Variants in GABRA2 observed in about 807,000 individuals in gnomAD.
GABRA2 encodes gamma-aminobutyric acid receptor subunit alpha-2.
In GABRA2, 16 loss-of-function variants were observed where a neutral mutation model predicts 48.7. The ratio of observed to expected loss-of-function variants is 0.33; its 90% CI spans 0.22 to 0.50. The LOEUF is 0.50. GABRA2 is among the 20% of genes least tolerant of loss of function. The probability of loss-of-function intolerance (pLI) is 0.98; values close to 1 mark genes in which losing one functional copy is unlikely to be tolerated. For synonymous variants in GABRA2, 185 were observed against 184.5 expected, an observed-to-expected ratio of 1.00 and a Z score of -0.02; for missense variants, 275 against 535.6, an observed-to-expected ratio of 0.51 and a Z score of 4.80.
chr4:46,347,306 G>T (rs895547016), intron 3 of GABRA2, among the ~76,000 whole-genome samples: 1 of 151,698 alleles, frequency 6.6e-6, no homozygotes, highest in East Asian at 1.9e-4. Flanking sequence ...GCAAAAGAAA[G>T]AAAACTGGAG....
At position 46,330,115 on chromosome 4, in the gene GABRA2, T is replaced by A. The variant is rs190178229; in HGVS notation, c.255+2500A>T. Among the ~76,000 whole-genome samples the A allele has an allele frequency of 8.7e-4, 133 of 152,228 alleles. 1 individual carries two copies. Among genetic ancestry groups the A allele is most frequent in the Middle Eastern group, 3.4e-3 (1 of 294 alleles). ...AAATCAAAGTAAGTGGTTTTTTATT[T>A]AAATGTTATCAACTGAAATTCCACT... On this transcript the variant is annotated intron_variant, in intron 4 of 9. Transcript: ENST00000381620.
intron 3 of GABRA2, chr4:46,365,219 A>G (rs1335517968): frequency 6.6e-6 from 1 of 152,184 alleles, no homozygotes; most frequent in African/African-American, 2.4e-5. Context: ...CTGTACTTCC[A>G]TAGATGTAAT....
intron 4 of GABRA2, among the ~76,000 whole-genome samples, chr4:46,330,273 A>G (rs1188515867): frequency 2.0e-5 from 3 of 152,056 alleles, no homozygotes; most frequent in Non-Finnish European, 4.4e-5. Flanking sequence ...ATTTACAGAT[A>G]AAGCACAGCT....
chr4:46,318,586 A>C (rs1463492521), intron 4 of GABRA2, among the ~76,000 whole-genome samples: 1 of 151,696 alleles, frequency 6.6e-6, no homozygotes, highest in South Asian at 2.1e-4. Flanking sequence ...TCATGAATAT[A>C]TACTAACAGA....
At position 46,244,849 on chromosome 4, in the gene GABRA2, C is replaced by A. The variant is rs1040329004; in HGVS notation, c.*5459G>T. Among the ~76,000 whole-genome samples the A allele has an allele frequency of 6.6e-6, 1 of 151,204 alleles. No individual in the cohort carries two copies. The highest frequency in any genetic ancestry group is 2.4e-5 in the African/African-American group (1 of 41,340). On this transcript the variant is annotated 3_prime_UTR_variant, in exon 10 of 10. Transcript: ENST00000381620. Reference sequence around the variant, plus strand: ...TAGTAAATAGCTAGCATCACAAAAACGGGTATTGCTTACTGTACAGTACAG... The same window carrying A: ...TAGTAAATAGCTAGCATCACAAAAAAGGGTATTGCTTACTGTACAGTACAG...
At chr4:46,259,504 G>A (rs1716520871) in intron 9 of GABRA2, among the ~76,000 whole-genome samples, 1 of 151,848 alleles carries the variant, frequency 6.6e-6, no homozygotes, top group African/African-American at 2.4e-5. Context: ...CTAAATTTAA[G>A]TAACGGTGCA....
intron 8 of GABRA2, among the ~76,000 whole-genome samples, chr4:46,280,068 A>G (rs1021380157): frequency 2.6e-5 from 4 of 151,986 alleles, no homozygotes; most frequent in Non-Finnish European, 5.9e-5. Flanking sequence ...AATGAGATAA[A>G]AATGCCTGAC....
At chr4:46,308,861 T>C (rs962299414) in intron 6 of GABRA2, among the ~76,000 whole-genome samples, 5 of 134,894 alleles carry the variant, frequency 3.7e-5, no homozygotes, top group Admixed American at 7.9e-5. Context: ...TGACAATACC[T>C]TGTCAACTGA....
intron 3 of GABRA2, among the ~76,000 whole-genome samples, chr4:46,359,859 G>A (rs189290902): frequency 9.9e-5 from 15 of 151,870 alleles, no homozygotes; most frequent in African/African-American, 3.6e-4. Context: ...AGAGCTTGCA[G>A]TGAGCCAAGA....
chr4:46,389,864 C>T lies in GABRA2; in HGVS notation c.-140G>A, dbSNP rs889513104. 3.4e-6 allele frequency: 2 copies of T among 586,454 alleles called. No homozygotes were observed. The highest frequency in any genetic ancestry group is 3.9e-6 in the Non-Finnish European group (2 of 512,016). The allele number at this position is 586,454 out of a possible 1,614,324, so 36.3% of individuals were successfully genotyped here. On this transcript the variant is annotated 5_prime_UTR_variant, in exon 1 of 10. Coordinates refer to ENST00000381620, the MANE Select transcript of GABRA2 (RefSeq NM_000807.4). The stretch of plus-strand genomic sequence containing the variant: ...GAGAGAGAGAGAGAGAGAGAGAGAC[C>T]GAGACTGCAGCAGCCAAGAGAGCGT...
intron 3 of GABRA2, among the ~76,000 whole-genome samples, chr4:46,383,311 A>G (rs1175778024): frequency 2.0e-5 from 3 of 152,272 alleles, no homozygotes; most frequent in African/African-American, 7.2e-5. Context: ...TAGCCCCAGA[A>G]CCAGGATTTT....
chr4:46,341,848 G>A (rs1733299585), intron 3 of GABRA2, among the ~76,000 whole-genome samples: 1 of 151,898 alleles, frequency 6.6e-6, no homozygotes, highest in Non-Finnish European at 1.5e-5. Flanking sequence ...CCAGCTTTTT[G>A]TTAATCCCAG....
chr4:46,389,764 C>A lies in GABRA2; in HGVS notation c.-40G>T, dbSNP rs1376908707. The A allele has an allele frequency of 1.0e-6, 1 of 967,242 alleles. No homozygotes were observed. Among genetic ancestry groups the A allele is most frequent in the Non-Finnish European group, 1.2e-6 (1 of 826,932 alleles). The allele number at this position is 967,242 out of a possible 1,614,324, so 59.9% of individuals were successfully genotyped here. Reference sequence around the variant, plus strand: ...AACGGCAAGCAGAATTCGGTGTTTTCTTCCTTTTGCCCTGATCTTGACGAG... The same window carrying A: ...AACGGCAAGCAGAATTCGGTGTTTTATTCCTTTTGCCCTGATCTTGACGAG... On this transcript the variant is annotated 5_prime_UTR_variant, in exon 1 of 10. Transcript: ENST00000381620.
chr4:46,308,753 A>G (rs535157483), intron 6 of GABRA2, among the ~76,000 whole-genome samples: 7 of 152,314 alleles, frequency 4.6e-5, no homozygotes, highest in Non-Finnish European at 5.9e-5. Context: ...TAGATGCAGT[A>G]TAAGAGATTT....
chr4:46,258,025 T>C (rs1172553513), intron 9 of GABRA2, among the ~76,000 whole-genome samples: 2 of 151,798 alleles, frequency 1.3e-5, no homozygotes, highest in Non-Finnish European at 2.9e-5. Flanking sequence ...AGGTTGAGAC[T>C]GAGGTTGAGA....
At chr4:46,376,346 T>C (rs561470382) in intron 3 of GABRA2, among the ~76,000 whole-genome samples, 12 of 152,362 alleles carry the variant, frequency 7.9e-5, no homozygotes, top group African/African-American at 1.4e-4. Context: ...GTCATGCTTA[T>C]GGTCCAATTT....
At chr4:46,254,227 A>G (rs564505074) in intron 9 of GABRA2, among the ~76,000 whole-genome samples, 1 of 151,616 alleles carries the variant, frequency 6.6e-6, no homozygotes, top group East Asian at 2.0e-4. Flanking sequence ...AATATCATGC[A>G]GGCTTTGGAT....
At chr4:46,325,734 TC>T (rs1730243865) in intron 4 of GABRA2, among the ~76,000 whole-genome samples, 1 of 152,028 alleles carries the variant, frequency 6.6e-6, no homozygotes, top group African/African-American at 2.4e-5. Context: ...CTTTAATCCA[TC>T]TTGAGTTGAT....
chr4:46,325,107 G>C (rs545102307), intron 4 of GABRA2, among the ~76,000 whole-genome samples: 1 of 152,006 alleles, frequency 6.6e-6, no homozygotes, highest in African/African-American at 2.4e-5. Context: ...ATAGTATGTA[G>C]TAATAAGCTT....
Sources: allele counts gnomAD v4.1 joint callset (sites outside exome capture counted in the v4.1 genomes callset), GRCh38; gene constraint gnomAD v4.1.1; transcripts MANE v1.5; gene names NCBI Gene and HGNC (gene_info 2026-07-23, HGNC 2026-07-21).